The following ATP6V0A4 variants were observed in gnomAD, a reference collection of about 807,000 sequenced individuals.
ATP6V0A4 encodes the protein ATPase H+ transporting V0 subunit a4.
A neutral mutation model predicts 107.3 loss-of-function variants in ATP6V0A4; 86 were observed. That is an observed-to-expected ratio of 0.80 (90% confidence interval 0.67 to 0.96). The LOEUF is 0.96. Ranked by LOEUF, ATP6V0A4 falls within the 40% of genes least tolerant of loss-of-function variation. The pLI is 0.00. For synonymous variants in ATP6V0A4, 353 were observed against 381.4 expected, an observed-to-expected ratio of 0.93 and a Z score of 0.87; for missense variants, 908 against 1,045.6, an observed-to-expected ratio of 0.87 and a Z score of 1.81.
chr7:138,740,908 T>C (rs1243548319), intron 14 of ATP6V0A4, among the ~76,000 whole-genome samples: 1 of 150,898 alleles, frequency 6.6e-6, no homozygotes, highest in East Asian at 2.0e-4. Flanking sequence ...TTTGGGAGGC[T>C]GAGGTGGGTG....
chr7:138,797,780 G>C (rs1808755092), intron 1 of ATP6V0A4, among the ~76,000 whole-genome samples: 1 of 152,110 alleles, frequency 6.6e-6, no homozygotes, highest in Non-Finnish European at 1.5e-5. Context: ...CCAGGAACCA[G>C]CATGACACAG....
At chr7:138,720,961 A>G (rs1270013430) in intron 19 of ATP6V0A4, among the ~76,000 whole-genome samples, 2 of 152,202 alleles carry the variant, frequency 1.3e-5, no homozygotes, top group Non-Finnish European at 2.9e-5. Context: ...TTTTAAAATA[A>G]GCAATTAACA....
intron 1 of ATP6V0A4, among the ~76,000 whole-genome samples, chr7:138,796,965 C>T (rs1424638190): frequency 2.0e-5 from 3 of 152,186 alleles, no homozygotes; most frequent in Non-Finnish European, 4.4e-5. Context: ...CCTTTGCTTC[C>T]TGACTTTGTT....
intron 15 of ATP6V0A4, among the ~76,000 whole-genome samples, chr7:138,738,700 T>C (rs1275871488): frequency 1.3e-5 from 2 of 152,118 alleles, no homozygotes; most frequent in African/African-American, 4.8e-5. Flanking sequence ...GATAGCGGAA[T>C]GACACAGGAA....
intron 14 of ATP6V0A4, 144 bp from the exon 15 acceptor site, chr7:138,739,777 A>G: frequency 7.2e-7 from 1 of 1,381,024 alleles, no homozygotes; most frequent in Non-Finnish European, 9.9e-7. Flanking sequence ...TCTACTACAC[A>G]TCAAGTATTG....
chr7:138,738,730 T>C (rs952912161), intron 15 of ATP6V0A4, among the ~76,000 whole-genome samples: 2 of 152,142 alleles, frequency 1.3e-5, no homozygotes, highest in African/African-American at 2.4e-5. Flanking sequence ...GGAGGTGACC[T>C]GTAAGATGGG....
chr7:138,783,042 T>G (rs1014833850), intron 2 of ATP6V0A4, among the ~76,000 whole-genome samples: 2 of 152,098 alleles, frequency 1.3e-5, no homozygotes, highest in Non-Finnish European at 2.9e-5. Flanking sequence ...ACCACTGCAC[T>G]GCAGCCTGGG....
chr7:138,771,401 T>A, intron 2 of ATP6V0A4, 137 bp from the exon 3 acceptor site: 7 of 197,880 alleles, frequency 3.5e-5, no homozygotes, highest in Non-Finnish European at 4.6e-5. Flanking sequence ...TTTAGGAGAC[T>A]TTTTTTTTTT....
chr7:138,794,509 A>T (rs772755149), intron 1 of ATP6V0A4, among the ~76,000 whole-genome samples: 2 of 152,198 alleles, frequency 1.3e-5, no homozygotes, highest in African/African-American at 2.4e-5. Flanking sequence ...CTTATCAGGG[A>T]TAACAGGTGA....
rs146349420 is a variant in ATP6V0A4, at chr7:138,710,454, G to T, written c.2258-659C>A. Among the ~76,000 whole-genome samples the T allele has an allele frequency of 3.2e-3, 493 of 152,254 alleles. 3 individuals are homozygous for T. Among genetic ancestry groups the T allele is most frequent in the African/African-American group, 0.011 (476 of 41,532 alleles). ...ATCCACCCGCCTCGGCCTCCAAAGTGCTGGGATTACAGGCGTAAGCCACCG... is the reference window on the plus strand; with the variant it reads ...ATCCACCCGCCTCGGCCTCCAAAGTTCTGGGATTACAGGCGTAAGCCACCG... On this transcript the variant is annotated intron_variant, in intron 20 of 21. Coordinates refer to ENST00000310018, the MANE Select transcript of ATP6V0A4 (RefSeq NM_020632.3).
At chr7:138,731,901 AAAATAAAT>A (rs59314409) in intron 17 of ATP6V0A4, among the ~76,000 whole-genome samples, 4,971 of 146,684 alleles carry the variant, frequency 0.034, 252 homozygotes, top group African/African-American at 0.11. Context: ...TCCAAAAATA[AAAATAAAT>A]AAATAAATAA....
intron 2 of ATP6V0A4, among the ~76,000 whole-genome samples, chr7:138,777,755 T>C (rs1317282246): frequency 1.3e-5 from 2 of 152,106 alleles, no homozygotes; most frequent in Non-Finnish European, 2.9e-5. Context: ...GTACAGTATA[T>C]ATACAGCAAA....
At chr7:138,762,303 G>A (rs1489062288) in intron 7 of ATP6V0A4, 37 bp downstream of exon 7, 1 of 1,609,526 alleles carries the variant, frequency 6.2e-7, no homozygotes, top group Non-Finnish European at 8.5e-7. Context: ...CACTCGCCAG[G>A]ACCAGGGACC....
At chr7:138,793,210 G>A (rs1489379542) in intron 1 of ATP6V0A4, among the ~76,000 whole-genome samples, 3 of 152,100 alleles carry the variant, frequency 2.0e-5, no homozygotes, top group African/African-American at 7.2e-5. Context: ...AAGAAGAATC[G>A]CTTGGACCCG....
At chr7:138,752,480 G>C in intron 11 of ATP6V0A4, 145 bp downstream of exon 11, 1 of 1,021,088 alleles carries the variant, frequency 9.8e-7, no homozygotes, top group South Asian at 1.4e-5. Context: ...CTCGAGTGGG[G>C]TTGATAACTG....
At position 138,745,980 on chromosome 7, in the gene ATP6V0A4, A is replaced by T. The variant is rs6960288; in HGVS notation, c.1321-700T>A. Among the ~76,000 whole-genome samples, 97 of 39,888 alleles carry T rather than the reference A, an allele frequency of 2.4e-3. 1 individual carries two copies. Among genetic ancestry groups the T allele is most frequent in the East Asian group, 9.0e-3 (4 of 446 alleles). The allele number at this position is 39,888 out of a possible 152,430, so 26.2% of individuals were successfully genotyped here. A position where few individuals can be genotyped will look rare whatever the true frequency, so the allele number is the denominator to read the frequency against. ...AAAAAAAAATATATATATATATATA[A>T]AATATATATTATAAATATAAATAAT... On this transcript the variant is annotated intron_variant, in intron 13 of 21. Coordinates refer to ENST00000310018, the MANE Select transcript of ATP6V0A4 (RefSeq NM_020632.3).
intron 18 of ATP6V0A4, among the ~76,000 whole-genome samples, chr7:138,725,515 C>CT (rs34426447): frequency 0.14 from 20,691 of 147,154 alleles, 1,507 homozygotes; most frequent in African/African-American, 0.2. Flanking sequence ...GCAAAAAAAA[C>CT]TTTTTTTTTT....
In ATP6V0A4 at chr7:138,734,279, C is replaced by A. The variant is rs202011589; in HGVS notation, c.1573-25G>T. 17 of 1,612,016 alleles carry A rather than the reference C, an allele frequency of 1.1e-5. No individual in the cohort carries two copies. The East Asian group carries it at 3.4e-4, about 32-fold the overall frequency. ...TCTGGATGGGAAATGGGACAAAAAA[C>A]CAAGTGAGAGAGAGTCTTAGAAGTT... On this transcript the variant is annotated intron_variant, in intron 15 of 21. Coordinates refer to ENST00000310018, the MANE Select transcript of ATP6V0A4 (RefSeq NM_020632.3).
chr7:138,739,641 G>T lies in ATP6V0A4; in HGVS notation c.1479-8C>A. The T allele has an allele frequency of 1.9e-6, 3 of 1,613,932 alleles. No homozygotes were observed. The highest frequency in any genetic ancestry group is 2.5e-6 in the Non-Finnish European group (3 of 1,179,982). On this transcript the variant is annotated splice_region_variant and splice_polypyrimidine_tract_variant and intron_variant, in intron 14 of 21. Transcript: ENST00000310018. The stretch of plus-strand genomic sequence containing the variant: ...TCCTCCATTACATGAGTACTTTAGA[G>T]GGAGAAAAGGAGAAAAACAAACAAT...
Sources: allele counts gnomAD v4.1 joint callset (sites outside exome capture counted in the v4.1 genomes callset), GRCh38; gene constraint gnomAD v4.1.1; transcripts MANE v1.5; gene names NCBI Gene and HGNC (gene_info 2026-07-23, HGNC 2026-07-21).